Variants in MARCHF11 observed in about 807,000 individuals in gnomAD.
The protein encoded by MARCHF11 is E3 ubiquitin-protein ligase MARCHF11.
In MARCHF11, 29 loss-of-function variants were observed where a neutral mutation model predicts 37.3. The ratio of observed to expected loss-of-function variants is 0.78; its 90% CI spans 0.58 to 1.06. The LOEUF is 1.06. MARCHF11 is among the 50% of genes least tolerant of loss of function. The probability of loss-of-function intolerance (pLI) is 0.00; values close to 1 mark genes in which losing one functional copy is unlikely to be tolerated. For synonymous variants in MARCHF11, 233 were observed against 228.0 expected, an observed-to-expected ratio of 1.02 and a Z score of -0.20; for missense variants, 482 against 533.4, an observed-to-expected ratio of 0.90 and a Z score of 0.95.
intron 2 of MARCHF11, among the ~76,000 whole-genome samples, chr5:16,121,132 CACAG>C (rs1737302630): frequency 6.6e-6 from 1 of 152,180 alleles, no homozygotes; most frequent in Admixed American, 6.5e-5. Context: ...GCATCCCTCA[CACAG>C]ACAGCCAACA....
chr5:16,166,930 T>C (rs1452871046), intron 2 of MARCHF11, among the ~76,000 whole-genome samples: 1 of 147,022 alleles, frequency 6.8e-6, no homozygotes, highest in African/African-American at 2.6e-5. Context: ...CATATGTGTG[T>C]ATGTATACAT....
intron 2 of MARCHF11, among the ~76,000 whole-genome samples, chr5:16,149,502 C>T (rs949076370): frequency 7.9e-5 from 12 of 152,178 alleles, no homozygotes; most frequent in African/African-American, 2.6e-4. Flanking sequence ...TAAAGCCATA[C>T]ACACATATAC....
intron 3 of MARCHF11, among the ~76,000 whole-genome samples, chr5:16,079,555 G>C (rs1478645824): frequency 6.6e-6 from 1 of 152,132 alleles, no homozygotes; most frequent in African/African-American, 2.4e-5. Flanking sequence ...TCCCTATTGG[G>C]CAACAGCCCA....
chr5:16,155,112 C>A (rs1256662819), intron 2 of MARCHF11, among the ~76,000 whole-genome samples: 1 of 151,806 alleles, frequency 6.6e-6, no homozygotes, highest in Non-Finnish European at 1.5e-5. Flanking sequence ...CTGTTAAATT[C>A]ATTCTAAAGA....
chr5:16,109,141 C>T (rs1490833034), intron 2 of MARCHF11, among the ~76,000 whole-genome samples: 4 of 151,114 alleles, frequency 2.6e-5, no homozygotes, highest in African/African-American at 9.8e-5. Flanking sequence ...CACACACACA[C>T]GTTTGGTCTT....
chr5:16,073,294 T>C (rs16868056), intron 3 of MARCHF11, among the ~76,000 whole-genome samples: 4,125 of 152,228 alleles, frequency 0.027, 170 homozygotes, highest in African/African-American at 0.094. Flanking sequence ...GCCCAAGACA[T>C]CCTTTGTTGT....
chr5:16,133,276 C>A (rs1430588952), intron 2 of MARCHF11, among the ~76,000 whole-genome samples: 1 of 152,130 alleles, frequency 6.6e-6, no homozygotes, highest in Non-Finnish European at 1.5e-5. Context: ...TAGCTATGCA[C>A]AAGTTCTAAA....
chr5:16,137,168 G>A (rs762045842), intron 2 of MARCHF11, among the ~76,000 whole-genome samples: 5 of 152,194 alleles, frequency 3.3e-5, no homozygotes, highest in South Asian at 2.1e-4. Context: ...GTGAAAAATC[G>A]GTATACTGAT....
At chr5:16,126,142 T>C (rs980518938) in intron 2 of MARCHF11, among the ~76,000 whole-genome samples, 2 of 152,122 alleles carry the variant, frequency 1.3e-5, no homozygotes, top group African/African-American at 4.8e-5. Flanking sequence ...CCTAGTACAG[T>C]CAAGCAGTCA....
chr5:16,179,279 G>A lies in MARCHF11; in HGVS notation c.297C>T (p.Ala99=), dbSNP rs1411449350. 9.2e-6 allele frequency: 12 copies of A among 1,301,010 alleles called. No individual in the cohort carries two copies. The highest frequency in any genetic ancestry group is 3.3e-5 in the Admixed American group (1 of 29,852). 80.6% of individuals were successfully genotyped at this position (1,301,010 alleles called of 1,614,324 possible). A position where few individuals can be genotyped will look rare whatever the true frequency, so the allele number is the denominator to read the frequency against. Residue 99 remains alanine, a synonymous_variant, in exon 1 of 4, where the codon GCC becomes GCT. Coordinates refer to ENST00000332432, the MANE Select transcript of MARCHF11 (RefSeq NM_001102562.3). ...LQPAGQEVAA[A]GDSGEGPRRL... ...GCCTCGGACCTTCCCCGGAGTCGCC[G>A]GCCGCCGCCACTTCCTGGCCGGCGG...
intron 2 of MARCHF11, among the ~76,000 whole-genome samples, chr5:16,126,404 T>TAA (rs1737408136): frequency 6.6e-6 from 1 of 152,220 alleles, no homozygotes; most frequent in Non-Finnish European, 1.5e-5. Flanking sequence ...GCAGATAAAC[T>TAA]AATTTTTAAT....
intron 2 of MARCHF11, among the ~76,000 whole-genome samples, chr5:16,114,142 A>G (rs1737194223): frequency 6.6e-6 from 1 of 152,234 alleles, no homozygotes; most frequent in Admixed American, 6.5e-5. Flanking sequence ...TTATGGCTGA[A>G]TAATATTCTA....
intron 3 of MARCHF11, among the ~76,000 whole-genome samples, chr5:16,080,789 T>C (rs1479825337): frequency 1.3e-5 from 2 of 152,242 alleles, no homozygotes; most frequent in Admixed American, 1.3e-4. Flanking sequence ...GCCTGGGTTA[T>C]TATAATATTT....
At chr5:16,118,031 A>G (rs569324545) in intron 2 of MARCHF11, among the ~76,000 whole-genome samples, 1 of 152,340 alleles carries the variant, frequency 6.6e-6, no homozygotes, top group Admixed American at 6.5e-5. Flanking sequence ...GTCAAAAGGC[A>G]TTTTATCATG....
intron 2 of MARCHF11, among the ~76,000 whole-genome samples, chr5:16,145,281 G>A (rs1253980934): frequency 6.6e-6 from 1 of 152,260 alleles, no homozygotes; most frequent in South Asian, 2.1e-4. Context: ...GGGTTGGTAG[G>A]TGGGGCCAGG....
intron 2 of MARCHF11, among the ~76,000 whole-genome samples, chr5:16,100,806 G>C (rs7715758): frequency 2.0e-5 from 3 of 152,170 alleles, no homozygotes; most frequent in African/African-American, 7.2e-5. Context: ...TTAGTGGGAA[G>C]GTTATGTCTA....
At chr5:16,104,943 A>G (rs1395011192) in intron 2 of MARCHF11, among the ~76,000 whole-genome samples, 2 of 151,258 alleles carry the variant, frequency 1.3e-5, no homozygotes, top group African/African-American at 4.9e-5. Flanking sequence ...ACACACACAC[A>G]TCCCACATCC....
In MARCHF11 at chr5:16,120,671, A is replaced by C. The variant is rs912093484; in HGVS notation, c.694-29590T>G. On this transcript the variant is annotated intron_variant, in intron 2 of 3. Transcript: ENST00000332432. The stretch of plus-strand genomic sequence containing the variant: ...ACATGAGCGGCAGCTCCTCCCATCA[A>C]GAGCTGGAATCTATTTCCCCACCCC... 2.0e-5 allele frequency among the ~76,000 whole-genome samples: 3 copies of C among 152,214 alleles called. No homozygotes were observed. The East Asian group carries it at 5.8e-4, about 29-fold the overall frequency.
intron 3 of MARCHF11, among the ~76,000 whole-genome samples, chr5:16,087,775 G>A (rs1736722738): frequency 1.3e-5 from 2 of 152,162 alleles, no homozygotes; most frequent in South Asian, 4.1e-4. Context: ...ATGAATGAAA[G>A]CAACAAACAA....
Sources: allele counts gnomAD v4.1 joint callset (sites outside exome capture counted in the v4.1 genomes callset), GRCh38; gene constraint gnomAD v4.1.1; transcripts MANE v1.5; gene names NCBI Gene and HGNC (gene_info 2026-07-23, HGNC 2026-07-21).